Variants in TRIM44 observed in about 807,000 individuals in gnomAD.
The protein encoded by TRIM44 is tripartite motif containing 44, also known as tripartite motif-containing protein 44.
A neutral mutation model predicts 37.4 loss-of-function variants in TRIM44; 13 were observed. The observed-to-expected ratio is 0.35, with a 90% confidence interval of 0.23 to 0.55. TRIM44 has a LOEUF of 0.55. Ranked by LOEUF, TRIM44 falls within the 20% of genes least tolerant of loss-of-function variation. The pLI, the probability that TRIM44 is intolerant of heterozygous loss-of-function variation, is 0.89. For synonymous variants in TRIM44, 175 were observed against 157.2 expected, an observed-to-expected ratio of 1.11 and a Z score of -0.85; for missense variants, 426 against 437.2, an observed-to-expected ratio of 0.97 and a Z score of 0.23.
intron 4 of TRIM44, among the ~76,000 whole-genome samples, chr11:35,755,562 G>A (rs1852625849): frequency 6.6e-6 from 1 of 152,124 alleles, no homozygotes; most frequent in Non-Finnish European, 1.5e-5. Context: ...TGGTGTTTTA[G>A]ACATGAAGTC....
intron 4 of TRIM44, among the ~76,000 whole-genome samples, chr11:35,739,568 T>C (rs1454522353): frequency 1.3e-5 from 2 of 152,134 alleles, no homozygotes; most frequent in Non-Finnish European, 2.9e-5. Flanking sequence ...TTGCTTCCGC[T>C]CTCAGCCTCT....
At chr11:35,713,940 G>A (rs1399617374) in intron 2 of TRIM44, among the ~76,000 whole-genome samples, 1 of 152,098 alleles carries the variant, frequency 6.6e-6, no homozygotes, top group African/African-American at 2.4e-5. Flanking sequence ...CTGAGATGTT[G>A]GGCAGTCAGA....
At chr11:35,774,427 A>T (rs980801944) in intron 4 of TRIM44, among the ~76,000 whole-genome samples, 5 of 151,898 alleles carry the variant, frequency 3.3e-5, no homozygotes, top group Non-Finnish European at 7.4e-5. Context: ...TTGCCTGTTC[A>T]CTCTGATGGT....
rs1350309363 is a variant in TRIM44 at position 35,663,449 on chromosome 11, CAG to C, written c.341_342del (p.Glu114GlyfsTer4). On this transcript the variant is annotated frameshift_variant, in exon 1 of 5. Coordinates refer to ENST00000299413, the MANE Select transcript of TRIM44 (RefSeq NM_017583.6). LOFTEE classifies it high-confidence loss of function. ...AGCGAGTCAGAGGAAGAGAGCGAGA[CAG>C]AGGAAGAGAGTGAGGATGAGAGCGA... 3.8e-6 allele frequency: 6 copies of C among 1,565,228 alleles called. No individual in the cohort carries two copies. The highest frequency in any genetic ancestry group is 1.2e-5 in the South Asian group (1 of 86,206).
intron 4 of TRIM44, among the ~76,000 whole-genome samples, chr11:35,792,872 T>C (rs1395826056): frequency 1.3e-5 from 2 of 152,206 alleles, no homozygotes; most frequent in Non-Finnish European, 2.9e-5. Flanking sequence ...AATTTCATCC[T>C]TTGGTAGGGT....
chr11:35,718,318 G>A (rs1003048516), intron 2 of TRIM44, among the ~76,000 whole-genome samples: 3 of 152,178 alleles, frequency 2.0e-5, no homozygotes, highest in Admixed American at 2.0e-4. Flanking sequence ...GCTTCTCAGT[G>A]GCTATTTAGT....
At chr11:35,785,741 G>A (rs1188595878) in intron 4 of TRIM44, among the ~76,000 whole-genome samples, 1 of 152,206 alleles carries the variant, frequency 6.6e-6, no homozygotes, top group Non-Finnish European at 1.5e-5. Context: ...TGTGCCTTCA[G>A]GGGCCTATAT....
intron 4 of TRIM44, among the ~76,000 whole-genome samples, chr11:35,770,265 A>G (rs959770213): frequency 3.9e-5 from 6 of 152,204 alleles, no homozygotes; most frequent in Non-Finnish European, 2.9e-5. Context: ...ATAGTATTCC[A>G]TGGTGTCTTT....
intron 1 of TRIM44, 80 bp from the exon 2 acceptor site, chr11:35,685,179 C>A: frequency 8.2e-7 from 1 of 1,226,214 alleles, no homozygotes; most frequent in Non-Finnish European, 1.2e-6. Flanking sequence ...CTTTCTATTT[C>A]ATTGTCTTCC....
chr11:35,666,337 C>G (rs1190235425), intron 1 of TRIM44, among the ~76,000 whole-genome samples: 1 of 152,164 alleles, frequency 6.6e-6, no homozygotes, highest in Non-Finnish European at 1.5e-5. Context: ...GCAGGTCCTT[C>G]CATCTTGTCC....
rs1327378063 is a variant in TRIM44, at chr11:35,704,590, G to C, written c.747+19254G>C. 5.9e-5 allele frequency among the ~76,000 whole-genome samples: 9 copies of C among 152,302 alleles called. No individual in the cohort carries two copies. The East Asian group carries it at 1.7e-3, about 29-fold the overall frequency. On this transcript the variant is annotated intron_variant, in intron 2 of 4. Transcript: ENST00000299413. ...GGCAGAAACTCTACAAGCCAGAAGA[G>C]AGTGGGGGCCAATATTCAACATTCT...
Position 35,806,387 on chromosome 11 carries a change from G to T in TRIM44, c.*2G>T. 1 of 1,613,658 alleles carries T rather than the reference G, an allele frequency of 6.2e-7. No individual in the cohort carries two copies. Among genetic ancestry groups the T allele is most frequent in the Non-Finnish European group, 8.5e-7 (1 of 1,179,690 alleles). On this transcript the variant is annotated 3_prime_UTR_variant, in exon 5 of 5. Transcript: ENST00000299413. ...GCCAGTGAAGAAGAGGACACATGAA[G>T]GCTTGCTACCCCCAGTGGAAAATCA...
chr11:35,668,371 C>G (rs544304038), intron 1 of TRIM44, among the ~76,000 whole-genome samples: 18 of 152,310 alleles, frequency 1.2e-4, no homozygotes, highest in South Asian at 8.3e-4. Flanking sequence ...CCTCCCACCC[C>G]CTATCCACTG....
At chr11:35,693,681 G>C (rs530034383) in intron 2 of TRIM44, among the ~76,000 whole-genome samples, 1 of 152,054 alleles carries the variant, frequency 6.6e-6, no homozygotes, top group Non-Finnish European at 1.5e-5. Context: ...TTTTGACCAG[G>C]TTCTCACTTA....
chr11:35,760,436 C>T (rs1016993106), intron 4 of TRIM44, among the ~76,000 whole-genome samples: 6 of 152,340 alleles, frequency 3.9e-5, no homozygotes, highest in Non-Finnish European at 7.3e-5. Flanking sequence ...TGACCCCTTG[C>T]GCTTCCCAGG....
chr11:35,753,359 TTC>T (rs1852582038), intron 4 of TRIM44, among the ~76,000 whole-genome samples: 2 of 152,216 alleles, frequency 1.3e-5, no homozygotes, highest in Admixed American at 1.3e-4. Context: ...TCTTCAGTGT[TTC>T]TCTGCAGCTC....
In TRIM44 at chr11:35,812,274, G is replaced by A. The variant is rs556459417; in HGVS notation, c.*5889G>A. 26 of 152,302 alleles carry A rather than the reference G, an allele frequency of 1.7e-4. No individual in the cohort carries two copies. Among genetic ancestry groups the A allele is most frequent in the African/African-American group, 6.3e-4 (26 of 41,566 alleles). 9.4% of individuals were successfully genotyped at this position (152,302 alleles called of 1,614,324 possible). On this transcript the variant is annotated 3_prime_UTR_variant, in exon 5 of 5. Coordinates refer to ENST00000299413, the MANE Select transcript of TRIM44 (RefSeq NM_017583.6). Reference sequence around the variant, plus strand: ...CTCCTGGCCTTCACAAGGCACCAGAGTTAGAGACACCCAACAGAAAGTCGT... The same window carrying A: ...CTCCTGGCCTTCACAAGGCACCAGAATTAGAGACACCCAACAGAAAGTCGT...
intron 4 of TRIM44, among the ~76,000 whole-genome samples, chr11:35,736,131 A>G (rs535358072): frequency 8.5e-5 from 13 of 152,308 alleles, no homozygotes; most frequent in African/African-American, 3.1e-4. Context: ...GTACAAAGTA[A>G]AAGGCAATGT....
chr11:35,707,109 T>A (rs928749349), intron 2 of TRIM44, among the ~76,000 whole-genome samples: 3 of 152,148 alleles, frequency 2.0e-5, no homozygotes, highest in African/African-American at 7.2e-5. Context: ...CGCATTCTTA[T>A]ACACCAATAA....
Sources: gnomAD v4.1 joint callset for allele counts (sites outside exome capture counted in the v4.1 genomes callset) on GRCh38, gnomAD v4.1.1 for gene constraint, MANE v1.5 for transcripts, NCBI Gene and HGNC (gene_info 2026-07-23, HGNC 2026-07-21) for gene names.